The following TMEM114 variants were observed in gnomAD, a reference collection of about 807,000 sequenced individuals.
The protein encoded by TMEM114 is claudin-26.
Under a neutral mutation model 6.2 loss-of-function variants are expected in TMEM114, and 6 were observed. The ratio of observed to expected loss-of-function variants is 0.97; its 90% CI spans 0.53 to 1.91. TMEM114 has a LOEUF of 1.91. TMEM114 is among the 40% of genes most tolerant of loss of function. The pLI, the probability that TMEM114 is intolerant of heterozygous loss-of-function variation, is 0.01. For missense variants in TMEM114, 218 were observed against 158.3 expected (o/e 1.38, Z -2.02); for synonymous variants, 104 against 73.0 (o/e 1.42, Z -2.16).
At chr16:8,545,743 T>C (rs1410288413) in intron 2 of TMEM114, among the ~76,000 whole-genome samples, 1 of 152,224 alleles carries the variant, frequency 6.6e-6, no homozygotes, top group African/African-American at 2.4e-5. Context: ...TCTCCAACTA[T>C]ATTACCATTT....
chr16:8,532,441 A>T, the TMEM114 span, among the ~76,000 whole-genome samples: 2 of 152,104 alleles, frequency 1.3e-5, no homozygotes, highest in Non-Finnish European at 2.9e-5. Flanking sequence ...TATGATCGAA[A>T]TTGGACACCA....
At chr16:8,549,736 G>A (rs765765473) in intron 2 of TMEM114, among the ~76,000 whole-genome samples, 5 of 152,118 alleles carry the variant, frequency 3.3e-5, no homozygotes, top group African/African-American at 9.7e-5. Flanking sequence ...TGAATTGATA[G>A]ACTTACTTGC....
chr16:8,538,553 G>C (rs1336376000), intron 2 of TMEM114, among the ~76,000 whole-genome samples: 1 of 151,948 alleles, frequency 6.6e-6, no homozygotes, highest in African/African-American at 2.4e-5. Flanking sequence ...TGTCGCCCAG[G>C]CTGGAGTGCA....
At chr16:8,562,689 G>GAGT (rs1567202446) in intron 2 of TMEM114, among the ~76,000 whole-genome samples, 3 of 149,906 alleles carry the variant, frequency 2.0e-5, no homozygotes, top group Non-Finnish European at 4.4e-5. Context: ...AGTGAGTGAG[G>GAGT]GAATGAGTGA....
chr16:8,552,206 C>T (rs1900867240), intron 2 of TMEM114, among the ~76,000 whole-genome samples: 1 of 148,790 alleles, frequency 6.7e-6, no homozygotes, highest in Non-Finnish European at 1.5e-5. Context: ...AAGACCCTAT[C>T]TCTGCAAAAA....
intron 2 of TMEM114, among the ~76,000 whole-genome samples, chr16:8,538,227 C>T (rs1226499426): frequency 6.7e-6 from 1 of 150,288 alleles, no homozygotes; most frequent in Non-Finnish European, 1.5e-5. Flanking sequence ...ATCACTGGAG[C>T]CTAGAAAACC....
intron 2 of TMEM114, among the ~76,000 whole-genome samples, chr16:8,574,865 C>T (rs1194507027): frequency 2.0e-5 from 3 of 152,134 alleles, no homozygotes; most frequent in Non-Finnish European, 4.4e-5. Flanking sequence ...CAGGAGAGAG[C>T]TATAAAATCT....
At chr16:8,554,766 T>C (rs78917453) in intron 2 of TMEM114, among the ~76,000 whole-genome samples, 11,390 of 152,298 alleles carry the variant, frequency 0.075, 519 homozygotes, top group Middle Eastern at 0.18. Flanking sequence ...AGTCCTGTTC[T>C]ACGTACTTTG....
At chr16:8,581,899 C>G (rs1902164124) in intron 2 of TMEM114, among the ~76,000 whole-genome samples, 1 of 152,230 alleles carries the variant, frequency 6.6e-6, no homozygotes, top group African/African-American at 2.4e-5. Flanking sequence ...CCTTCCCTGA[C>G]TGCCTGCAGC....
chr16:8,580,320 C>T (rs950515603), intron 2 of TMEM114, among the ~76,000 whole-genome samples: 1 of 152,068 alleles, frequency 6.6e-6, no homozygotes, highest in African/African-American at 2.4e-5. Context: ...AAACCCGTCT[C>T]TACTAAAAAT....
At chr16:8,559,238 T>A (rs1032294249) in intron 2 of TMEM114, among the ~76,000 whole-genome samples, 7 of 152,150 alleles carry the variant, frequency 4.6e-5, no homozygotes, top group Non-Finnish European at 1.0e-4. Context: ...AGACGGGGTT[T>A]CACCGTGTTG....
chr16:8,555,654 C>T (rs752439280), intron 2 of TMEM114, among the ~76,000 whole-genome samples: 117 of 152,300 alleles, frequency 7.7e-4, no homozygotes, highest in Non-Finnish European at 1.4e-3. Flanking sequence ...ATTGTTTTCA[C>T]GTCGATGACT....
intron 2 of TMEM114, among the ~76,000 whole-genome samples, chr16:8,554,435 A>T (rs1204971465): frequency 6.6e-6 from 1 of 152,070 alleles, no homozygotes; most frequent in Admixed American, 6.6e-5. Flanking sequence ...ATGAGGCACC[A>T]TTGCTGACCA....
chr16:8,544,711 G>A (rs1403486153), intron 2 of TMEM114, among the ~76,000 whole-genome samples: 1 of 152,178 alleles, frequency 6.6e-6, no homozygotes, highest in Non-Finnish European at 1.5e-5. Flanking sequence ...AGTAGTCTCA[G>A]TGCAAATTGA....
At chr16:8,570,252 A>G (rs1011646284) in intron 3 of TMEM114, among the ~76,000 whole-genome samples, 1 of 152,206 alleles carries the variant, frequency 6.6e-6, no homozygotes, top group African/African-American at 2.4e-5. Flanking sequence ...TTGCCTGAGC[A>G]GTGATTCCAC....
At chr16:8,581,564 G>T (rs190885821) in intron 2 of TMEM114, among the ~76,000 whole-genome samples, 1 of 151,756 alleles carries the variant, frequency 6.6e-6, no homozygotes, top group African/African-American at 2.4e-5. Flanking sequence ...AGCAATTCCC[G>T]TGCCTCAGCC....
At chr16:8,577,912 G>A (rs77290242) in intron 2 of TMEM114, among the ~76,000 whole-genome samples, 3,133 of 152,238 alleles carry the variant, frequency 0.021, 116 homozygotes, top group African/African-American at 0.072. Context: ...AATCCTGAGC[G>A]CATGCATTCA....
At chr16:8,553,143 C>T (rs8044590) in intron 2 of TMEM114, among the ~76,000 whole-genome samples, 3,813 of 152,252 alleles carry the variant, frequency 0.025, 161 homozygotes, top group African/African-American at 0.088. Flanking sequence ...ACAAGAGTGC[C>T]GATCGCAGCC....
chr16:8,551,023 G>C (rs548993270), intron 2 of TMEM114, among the ~76,000 whole-genome samples: 2 of 152,330 alleles, frequency 1.3e-5, no homozygotes, highest in African/African-American at 4.8e-5. Context: ...TCAAAGTCTA[G>C]CAAAGGTGAC....
Sources: allele counts gnomAD v4.1 joint callset (sites outside exome capture counted in the v4.1 genomes callset), GRCh38; gene constraint gnomAD v4.1.1; transcripts MANE v1.5; gene names NCBI Gene and HGNC (gene_info 2026-07-23, HGNC 2026-07-21).